Variants in BNC2 observed in about 807,000 individuals in gnomAD.
BNC2 encodes the protein zinc finger protein basonuclin-2.
In BNC2, 20 loss-of-function variants were observed where a neutral mutation model predicts 76.3. That is an observed-to-expected ratio of 0.26 (90% CI 0.18 to 0.38). The LOEUF (loss-of-function observed/expected upper bound fraction) is 0.38, where lower values mean the gene tolerates loss of function less well. Ranked by LOEUF, BNC2 falls within the 10% of genes least tolerant of loss-of-function variation. The pLI is 1.00. For missense variants in BNC2, 1,382 were observed against 1,399.8 expected (o/e 0.99, Z 0.20); for synonymous variants, 582 against 514.8 (o/e 1.13, Z -1.77).
intron 3 of BNC2, among the ~76,000 whole-genome samples, chr9:16,701,515 A>C (rs1823512617): frequency 6.6e-6 from 1 of 152,294 alleles, no homozygotes; most frequent in African/African-American, 2.4e-5. Flanking sequence ...AACAATTTTC[A>C]TTTTTTTATG....
Position 16,419,397 on chromosome 9 carries a change from G to A in BNC2, c.2892C>T (p.Thr964=), listed in dbSNP as rs771731944. 1.9e-6 allele frequency: 3 copies of A among 1,601,056 alleles called. No individual in the cohort carries two copies. The East Asian group carries it at 6.7e-5, about 36-fold the overall frequency. The part of the protein sequence containing the change: ...AEDYMVLDLS[T]TSSLQSSSSI... Reference sequence around the variant, plus strand: ...TGCTGCTGGACTGGAGGCTGGAGGTGGTGCTCAAGTCAAGGACCATGTAGT... The same window carrying A: ...TGCTGCTGGACTGGAGGCTGGAGGTAGTGCTCAAGTCAAGGACCATGTAGT... Residue 964 remains threonine, a synonymous_variant, in exon 7 of 7, where the codon ACC becomes ACT. Transcript: ENST00000380672.
At chr9:16,829,245 C>T (rs970290200) in intron 1 of BNC2, among the ~76,000 whole-genome samples, 4 of 152,352 alleles carry the variant, frequency 2.6e-5, no homozygotes, top group Non-Finnish European at 4.4e-5. Flanking sequence ...GGGCTCAAAA[C>T]GCTTTCTGTC....
chr9:16,841,966 C>T (rs1482769963), intron 1 of BNC2, among the ~76,000 whole-genome samples: 1 of 152,086 alleles, frequency 6.6e-6, no homozygotes, highest in East Asian at 1.9e-4. Context: ...TGCACTACCA[C>T]GTCCATCTAA....
At chr9:16,807,243 TAAG>T (rs1817937575) in intron 1 of BNC2, among the ~76,000 whole-genome samples, 1 of 152,192 alleles carries the variant, frequency 6.6e-6, no homozygotes, top group Non-Finnish European at 1.5e-5. Context: ...CTAGAATGAA[TAAG>T]AATAATGGCA....
At chr9:16,793,907 T>A (rs1012490476) in intron 1 of BNC2, among the ~76,000 whole-genome samples, 24 of 147,060 alleles carry the variant, frequency 1.6e-4, no homozygotes, top group African/African-American at 6.0e-4. Flanking sequence ...TTTCACCGTG[T>A]TAGCCAGGAT....
At chr9:16,456,272 T>C (rs1821446258) in intron 5 of BNC2, among the ~76,000 whole-genome samples, 2 of 152,166 alleles carry the variant, frequency 1.3e-5, no homozygotes, top group African/African-American at 4.8e-5. Context: ...CATCTGTTTT[T>C]ATGGAGTCTC....
chr9:16,620,819 T>C (rs1232549003), intron 3 of BNC2, among the ~76,000 whole-genome samples: 1 of 152,164 alleles, frequency 6.6e-6, no homozygotes, highest in African/African-American at 2.4e-5. Flanking sequence ...TTGAGCAGGA[T>C]TACAGTAAGA....
At chr9:16,428,175 C>A (rs537869389) in intron 6 of BNC2, among the ~76,000 whole-genome samples, 2 of 152,286 alleles carry the variant, frequency 1.3e-5, no homozygotes, top group South Asian at 4.2e-4. Context: ...CTCTCTCTTG[C>A]TCTCCACTTT....
At chr9:16,791,974 T>C (rs1225321787) in intron 1 of BNC2, among the ~76,000 whole-genome samples, 1 of 151,700 alleles carries the variant, frequency 6.6e-6, no homozygotes, top group East Asian at 1.9e-4. Context: ...TGGTTGCTCG[T>C]GCCTGTGGTC....
chr9:16,748,944 ATATATG>A (rs1425166988), intron 1 of BNC2, among the ~76,000 whole-genome samples: 1 of 141,522 alleles, frequency 7.1e-6, no homozygotes, highest in Non-Finnish European at 1.5e-5. Context: ...ATATATATAT[ATATATG>A]AAATTAACAA....
In BNC2 at chr9:16,646,026, G is replaced by A. The variant is rs138682218; in HGVS notation, c.331-62941C>T. On this transcript the variant is annotated intron_variant, in intron 3 of 6. Coordinates refer to ENST00000380672, the MANE Select transcript of BNC2 (RefSeq NM_017637.6). Reference sequence around the variant, plus strand: ...TCCACAGGGTTCTGAAAAGGCCTTCGTATTGTTTCAGAATCCTCACTTGTA... The same window carrying A: ...TCCACAGGGTTCTGAAAAGGCCTTCATATTGTTTCAGAATCCTCACTTGTA... Among the ~76,000 whole-genome samples, 6 of 152,314 alleles carry A rather than the reference G, an allele frequency of 3.9e-5. No homozygotes were observed. In the East Asian group the frequency reaches 5.8e-4, roughly 15 times the overall value.
chr9:16,757,603 C>T (rs1825422428), intron 1 of BNC2, among the ~76,000 whole-genome samples: 1 of 151,902 alleles, frequency 6.6e-6, no homozygotes, highest in Admixed American at 6.6e-5. Flanking sequence ...CCATTGTTAA[C>T]AACAACATTA....
rs529654936 is a variant in BNC2, at chr9:16,437,093, G to A, written c.1101C>T (p.Ser367=). The A allele has an allele frequency of 8.0e-5, 129 of 1,614,106 alleles. 1 individual carries two copies. The South Asian group carries it at 1.3e-3, about 16-fold the overall frequency. Reference sequence around the variant, plus strand: ...AAGGTGTGGGAGAAACTTCGGATTCGCTGCTCTCATTATATTCATTCTGAG... The same window carrying A: ...AAGGTGTGGGAGAAACTTCGGATTCACTGCTCTCATTATATTCATTCTGAG... ...LSTQNEYNES[S]ESEVSPTPYK... is the part of the protein sequence containing the mutation. The change falls in exon 6 of 7, where the codon AGC becomes AGT. Residue 367 remains serine (S), a synonymous_variant. Transcript: ENST00000380672.
chr9:16,857,865 T>G (rs1020313589), intron 1 of BNC2, among the ~76,000 whole-genome samples: 1 of 152,238 alleles, frequency 6.6e-6, no homozygotes, highest in African/African-American at 2.4e-5. Flanking sequence ...TGTAAGGGAA[T>G]GAATATTTCT....
intron 3 of BNC2, among the ~76,000 whole-genome samples, chr9:16,720,048 G>A (rs972208136): frequency 3.9e-5 from 6 of 152,152 alleles, no homozygotes; most frequent in Non-Finnish European, 5.9e-5. Flanking sequence ...GGATCAAATT[G>A]AGCTGCCTTT....
At chr9:16,525,403 G>GA (rs1167592972) in intron 5 of BNC2, among the ~76,000 whole-genome samples, 14 of 152,168 alleles carry the variant, frequency 9.2e-5, no homozygotes, top group Non-Finnish European at 1.9e-4. Flanking sequence ...TGCTAAAAAT[G>GA]AAACGGATTT....
At chr9:16,452,241 G>T (rs1389433101) in intron 5 of BNC2, among the ~76,000 whole-genome samples, 1 of 152,046 alleles carries the variant, frequency 6.6e-6, no homozygotes, top group African/African-American at 2.4e-5. Flanking sequence ...ATGCTTTTGG[G>T]AATGAGATTA....
chr9:16,480,755 C>T (rs1476282241), intron 5 of BNC2, among the ~76,000 whole-genome samples: 1 of 152,230 alleles, frequency 6.6e-6, no homozygotes, highest in East Asian at 1.9e-4. Context: ...CGGGGCAGGG[C>T]TCGGGACCTG....
At chr9:16,833,063 G>A (rs1034315406) in intron 1 of BNC2, among the ~76,000 whole-genome samples, 2 of 149,532 alleles carry the variant, frequency 1.3e-5, no homozygotes, top group African/African-American at 4.9e-5. Flanking sequence ...CAGTCTTACA[G>A]AAGTAAATCA....
Sources: gnomAD v4.1 joint callset for allele counts (sites outside exome capture counted in the v4.1 genomes callset) on GRCh38, gnomAD v4.1.1 for gene constraint, MANE v1.5 for transcripts, NCBI Gene and HGNC (gene_info 2026-07-23, HGNC 2026-07-21) for gene names.